TENM4: variants seen among roughly 807,000 people sequenced by gnomAD.
TENM4 encodes teneurin-4.
Under a neutral mutation model 243.3 loss-of-function variants are expected in TENM4, and 82 were observed. The observed-to-expected ratio is 0.34, with a 90% confidence interval of 0.28 to 0.40. The LOEUF (loss-of-function observed/expected upper bound fraction) is 0.40. TENM4 is among the 10% of genes least tolerant of loss of function. The pLI is 1.00. For missense variants in TENM4, 3,138 were observed against 3,673.3 expected, an observed-to-expected ratio of 0.85 and a Z score of 3.77; for synonymous variants, 1,412 against 1,456.3, an observed-to-expected ratio of 0.97 and a Z score of 0.69.
intron 4 of TENM4, among the ~76,000 whole-genome samples, chr11:79,147,738 A>T (rs887274073): frequency 1.3e-5 from 2 of 152,036 alleles, no homozygotes; most frequent in African/African-American, 4.8e-5. Context: ...ATCCTCACGC[A>T]ACCCTTTGCA....
chr11:79,000,800 G>A (rs1339232377), intron 6 of TENM4, among the ~76,000 whole-genome samples: 1 of 152,244 alleles, frequency 6.6e-6, no homozygotes, highest in African/African-American at 2.4e-5. Context: ...GGAGGCTGAG[G>A]CAGGTGGATC....
chr11:78,675,147 A>T (rs1444894242), intron 30 of TENM4, among the ~76,000 whole-genome samples: 1 of 152,152 alleles, frequency 6.6e-6, no homozygotes, highest in Non-Finnish European at 1.5e-5. Flanking sequence ...GATTACAGGT[A>T]TGAGCTGCTG....
intron 1 of TENM4, among the ~76,000 whole-genome samples, chr11:79,401,491 T>A (rs1590939945): frequency 6.6e-6 from 1 of 152,198 alleles, no homozygotes; most frequent in East Asian, 1.9e-4. Context: ...TTATTAGGCA[T>A]TTTTGCTGGT....
intron 3 of TENM4, among the ~76,000 whole-genome samples, chr11:79,149,662 G>A (rs534183518): frequency 1.3e-5 from 2 of 152,158 alleles, no homozygotes; most frequent in East Asian, 1.9e-4. Flanking sequence ...TGTATTTTAC[G>A]GCCTAGGATA....
rs1318477305 is a variant in TENM4, at chr11:79,195,193, G to A, written c.-163+20615C>T. On this transcript the variant is annotated intron_variant, in intron 3 of 33. Transcript: ENST00000278550. ...ATGTATGGAAATGTCTGGATGCTGA[G>A]GCAAAAGTCTGCTGCAGGAGTGGGG... is the stretch of plus-strand genomic sequence containing the variant. Among the ~76,000 whole-genome samples, 8 of 152,242 alleles carry A rather than the reference G, an allele frequency of 5.3e-5. No homozygotes were observed. The East Asian group carries it at 5.8e-4, about 11-fold the overall frequency.
intron 1 of TENM4, among the ~76,000 whole-genome samples, chr11:79,435,649 G>T (rs1366815975): frequency 6.6e-6 from 1 of 152,208 alleles, no homozygotes; most frequent in African/African-American, 2.4e-5. Flanking sequence ...TTGGGCTGGG[G>T]CTGTGTAGCT....
intron 18 of TENM4, among the ~76,000 whole-genome samples, chr11:78,761,685 G>A (rs577041026): frequency 1.8e-4 from 15 of 81,842 alleles, no homozygotes; most frequent in African/African-American, 7.7e-4. Context: ...GTATAGGCTT[G>A]GTCTCTTAGC....
intron 4 of TENM4, among the ~76,000 whole-genome samples, chr11:79,128,519 C>G (rs1396962613): frequency 6.6e-6 from 1 of 152,232 alleles, no homozygotes; most frequent in Non-Finnish European, 1.5e-5. Flanking sequence ...CCTGCCTTCT[C>G]TCCCCGAGCC....
intron 12 of TENM4, among the ~76,000 whole-genome samples, chr11:78,834,502 G>A (rs1021106052): frequency 6.6e-6 from 1 of 152,128 alleles, no homozygotes; most frequent in African/African-American, 2.4e-5. Context: ...TGATGGAGTG[G>A]GGACCCAGGG....
intron 1 of TENM4, among the ~76,000 whole-genome samples, chr11:79,403,180 A>C (rs901938138): frequency 1.3e-5 from 2 of 152,206 alleles, no homozygotes; most frequent in African/African-American, 4.8e-5. Flanking sequence ...TTTCCAGCTC[A>C]GACCACTTGG....
chr11:78,715,023 G>A (rs1859490998), intron 25 of TENM4, among the ~76,000 whole-genome samples: 1 of 152,180 alleles, frequency 6.6e-6, no homozygotes, highest in Non-Finnish European at 1.5e-5. Context: ...GTGCCTTCTA[G>A]CCCATGGCAG....
At chr11:79,229,809 T>C (rs1270865299) in intron 2 of TENM4, among the ~76,000 whole-genome samples, 1 of 152,128 alleles carries the variant, frequency 6.6e-6, no homozygotes, top group Non-Finnish European at 1.5e-5. Context: ...GAATGAGTGA[T>C]ACTGCTGGAG....
At chr11:79,140,603 T>C (rs546230915) in intron 4 of TENM4, among the ~76,000 whole-genome samples, 1 of 152,214 alleles carries the variant, frequency 6.6e-6, no homozygotes, top group African/African-American at 2.4e-5. Context: ...CTACATCTTG[T>C]TCTTGTACTC....
chr11:78,987,311 A>G (rs1857941296), intron 6 of TENM4, among the ~76,000 whole-genome samples: 1 of 152,218 alleles, frequency 6.6e-6, no homozygotes, highest in Non-Finnish European at 1.5e-5. Flanking sequence ...CAGCAATTAA[A>G]AAAAAACTAT....
chr11:79,308,524 T>C (rs1372939772), intron 1 of TENM4, among the ~76,000 whole-genome samples: 1 of 152,260 alleles, frequency 6.6e-6, no homozygotes, highest in African/African-American at 2.4e-5. Context: ...CTGCTAATGC[T>C]ATTGTGGTTT....
intron 6 of TENM4, among the ~76,000 whole-genome samples, chr11:79,064,167 C>T (rs147755090): frequency 4.7e-4 from 72 of 152,254 alleles, no homozygotes; most frequent in African/African-American, 1.6e-3. Flanking sequence ...TAACTATAGT[C>T]ACCATGCTGT....
chr11:78,959,925 T>C (rs1857281923), intron 6 of TENM4, among the ~76,000 whole-genome samples: 1 of 151,976 alleles, frequency 6.6e-6, no homozygotes, highest in African/African-American at 2.4e-5. Flanking sequence ...AAGAACATCA[T>C]TACACATATA....
intron 2 of TENM4, among the ~76,000 whole-genome samples, chr11:79,292,355 G>C (rs960461342): frequency 6.6e-6 from 1 of 151,020 alleles, no homozygotes; most frequent in Non-Finnish European, 1.5e-5. Flanking sequence ...TTTCCCCACT[G>C]TTTTCCATGG....
intron 6 of TENM4, among the ~76,000 whole-genome samples, chr11:79,025,574 A>C (rs914230201): frequency 1.3e-5 from 2 of 152,162 alleles, no homozygotes; most frequent in African/African-American, 4.8e-5. Flanking sequence ...ACTCTGTGGT[A>C]GGTATTATTA....
Sources: gnomAD v4.1 joint callset for allele counts (sites outside exome capture counted in the v4.1 genomes callset) on GRCh38, gnomAD v4.1.1 for gene constraint, MANE v1.5 for transcripts, NCBI Gene and HGNC (gene_info 2026-07-23, HGNC 2026-07-21) for gene names.